The following PCDHGB4 variants were observed in gnomAD, a reference collection of about 807,000 sequenced individuals.
PCDHGB4 encodes the protein protocadherin gamma subfamily B, 4, also known as protocadherin gamma-B4.
Under a neutral mutation model 60.5 loss-of-function variants are expected in PCDHGB4, and 38 were observed. The ratio of observed to expected loss-of-function variants is 0.63; its 90% CI spans 0.48 to 0.82. PCDHGB4 has a LOEUF of 0.82. Among genes scored for constraint, PCDHGB4 ranks in the 40% least tolerant of loss-of-function variants. The pLI, the probability that PCDHGB4 is intolerant of heterozygous loss-of-function variation, is 0.00. For synonymous variants in PCDHGB4, 456 were observed against 509.7 expected (o/e 0.89, Z 1.42); for missense variants, 1,109 against 1,209.6 (o/e 0.92, Z 1.23).
At chr5:141,418,115 G>C in intron 1 of PCDHGB4, 1 of 1,614,098 alleles carries the variant, frequency 6.2e-7, no homozygotes, top group South Asian at 1.1e-5. Context: ...GGACTTACTT[G>C]TGAAGGACCG....
intron 3 of PCDHGB4, among the ~76,000 whole-genome samples, chr5:141,507,856 A>T (rs1200072170): frequency 1.3e-5 from 2 of 151,926 alleles, no homozygotes; most frequent in Non-Finnish European, 2.9e-5. Flanking sequence ...TCTCACTTTC[A>T]CACCCGCTTC....
At chr5:141,415,438 C>A in intron 1 of PCDHGB4, 1 of 1,614,218 alleles carries the variant, frequency 6.2e-7, no homozygotes, top group South Asian at 1.1e-5. Flanking sequence ...GGCTTTCCTG[C>A]AGACCTATTC....
chr5:141,445,446 G>T (rs2098467238), intron 1 of PCDHGB4, among the ~76,000 whole-genome samples: 1 of 152,264 alleles, frequency 6.6e-6, no homozygotes, highest in Admixed American at 6.5e-5. Flanking sequence ...ATGGACTAAG[G>T]ATGCAGCAAT....
At chr5:141,415,569 A>G (rs962518094) in intron 1 of PCDHGB4, 12 of 1,614,092 alleles carry the variant, frequency 7.4e-6, no homozygotes, top group Non-Finnish European at 1.0e-5. Flanking sequence ...TGTCTTTGTT[A>G]GATGATTCGA....
chr5:141,486,843 A>G lies in PCDHGB4; in HGVS notation c.2398-7964A>G, dbSNP rs1455684942. On this transcript the variant is annotated intron_variant, in intron 1 of 3. Coordinates refer to ENST00000519479, the MANE Select transcript of PCDHGB4 (RefSeq NM_003736.4). The surrounding 1 kb of genome is among the most constrained non-coding windows in gnomAD (Gnocchi z 5.0). ...GTAACAGTTCGTCTATTTGTGCTGG[A>G]CCTCAATGACAATGCTCCAGCTGTG... 6.2e-7 allele frequency: 1 copy of G among 1,614,214 alleles called. No homozygotes were observed. Among genetic ancestry groups the G allele is most frequent in the Admixed American group, 1.7e-5 (1 of 60,034 alleles).
intron 1 of PCDHGB4, among the ~76,000 whole-genome samples, chr5:141,449,199 A>T (rs927587807): frequency 3.3e-5 from 5 of 152,190 alleles, no homozygotes; most frequent in Admixed American, 2.6e-4. Flanking sequence ...AGAAGTGTTA[A>T]TTCTAACTTT....
intron 2 of PCDHGB4, among the ~76,000 whole-genome samples, chr5:141,501,333 A>ACACC (rs1186649373): frequency 5.5e-4 from 77 of 140,128 alleles, no homozygotes; most frequent in African/African-American, 6.0e-4. Context: ...ACACACACAC[A>ACACC]CCCCAAACTC....
At chr5:141,399,146 G>C (rs758823968) in intron 1 of PCDHGB4, 1 of 1,613,792 alleles carries the variant, frequency 6.2e-7, no homozygotes, top group South Asian at 1.1e-5. Context: ...AATGACAATA[G>C]CCCAGAAGTT....
At chr5:141,499,331 TCA>T (rs2099791249) in intron 2 of PCDHGB4, among the ~76,000 whole-genome samples, 1 of 152,220 alleles carries the variant, frequency 6.6e-6, no homozygotes, top group African/African-American at 2.4e-5. Context: ...CTGCTCTCTC[TCA>T]GTTTGGGCAG....
chr5:141,509,157 C>T lies in PCDHGB4; in HGVS notation c.2546-1790C>T, dbSNP rs369133984. Among the ~76,000 whole-genome samples the T allele has an allele frequency of 2.6e-4, 40 of 152,314 alleles. No individual in the cohort carries two copies. In the South Asian group the frequency reaches 7.0e-3, roughly 27 times the overall value. On this transcript the variant is annotated intron_variant, in intron 3 of 3. Transcript: ENST00000519479. The stretch of plus-strand genomic sequence containing the variant: ...GAGGCGCATCCCGGCTCTCCCCTCC[C>T]GTGTGCCCTCCTCCTCTTATGCCGG...
At chr5:141,421,069 AGATG>A in intron 1 of PCDHGB4, 1 of 598,532 alleles carries the variant, frequency 1.7e-6, no homozygotes, top group Non-Finnish European at 2.8e-6. Context: ...AAGCGGAATG[AGATG>A]GATACTCACA....
At chr5:141,434,952 C>T (rs1362599956) in intron 1 of PCDHGB4, among the ~76,000 whole-genome samples, 2 of 151,756 alleles carry the variant, frequency 1.3e-5, no homozygotes, top group East Asian at 3.9e-4. Flanking sequence ...AATTTATTAA[C>T]AATTTATAAA....
chr5:141,468,374 C>T (rs1340499708), intron 1 of PCDHGB4: 2 of 150,736 alleles, frequency 1.3e-5, no homozygotes, highest in Non-Finnish European at 3.0e-5. Context: ...ATAACTCAGC[C>T]ATACAAGGCT....
intron 1 of PCDHGB4, among the ~76,000 whole-genome samples, chr5:141,443,720 T>G (rs1349609652): frequency 2.6e-5 from 4 of 152,156 alleles, no homozygotes; most frequent in Non-Finnish European, 5.9e-5. Flanking sequence ...CATATAAAAT[T>G]CCTCATACAT....
chr5:141,400,314 CAA>C (rs1443669567), intron 1 of PCDHGB4: 1 of 1,613,960 alleles, frequency 6.2e-7, no homozygotes, highest in Non-Finnish European at 8.5e-7. Context: ...GTCTCTGTGT[CAA>C]GTCTGGACCT....
chr5:141,475,653 G>T (rs982063429), intron 1 of PCDHGB4, among the ~76,000 whole-genome samples: 2 of 152,238 alleles, frequency 1.3e-5, no homozygotes, highest in African/African-American at 2.4e-5. Context: ...CAAAGAAAGT[G>T]ATTCAAATGT....
intron 1 of PCDHGB4, chr5:141,395,524 T>G (rs1312171320): frequency 5.1e-6 from 2 of 392,258 alleles, no homozygotes; most frequent in Non-Finnish European, 9.1e-6. Flanking sequence ...CCGTCCATAC[T>G]GGTAATTTTG....
chr5:141,468,505 C>A (rs1293623271), intron 1 of PCDHGB4: 1 of 152,020 alleles, frequency 6.6e-6, no homozygotes, highest in East Asian at 1.9e-4. Context: ...TTCATGTGGA[C>A]AAATTTAGTA....
chr5:141,480,390 T>C (rs753766736), intron 1 of PCDHGB4, among the ~76,000 whole-genome samples: 14 of 151,350 alleles, frequency 9.3e-5, no homozygotes, highest in Non-Finnish European at 1.9e-4. Flanking sequence ...ACTTCAACCA[T>C]GGCAATAGAG....
Sources: gnomAD v4.1 joint callset for allele counts (sites outside exome capture counted in the v4.1 genomes callset) on GRCh38, gnomAD v4.1.1 for gene constraint, Gnocchi (gnomAD v3.1) non-coding constraint, MANE v1.5 for transcripts, NCBI Gene and HGNC (gene_info 2026-07-23, HGNC 2026-07-21) for gene names.